The following EMB variants were observed in gnomAD, a reference collection of about 807,000 sequenced individuals.
EMB encodes embigin homolog.
Under a neutral mutation model 41.4 loss-of-function variants are expected in EMB, and 31 were observed. That is an observed-to-expected ratio of 0.75 (90% CI 0.56 to 1.01). The LOEUF (loss-of-function observed/expected upper bound fraction) is 1.01, where lower values mean the gene tolerates loss of function less well. Ranked by LOEUF, EMB falls within the 50% of genes least tolerant of loss-of-function variation. The pLI, the probability that EMB is intolerant of heterozygous loss-of-function variation, is 0.00. For synonymous variants in EMB, 137 were observed against 140.4 expected (o/e 0.98, Z 0.17); for missense variants, 379 against 388.3 (o/e 0.98, Z 0.20).
At chr5:50,429,968 T>TTCTC (rs780667856) in intron 1 of EMB, among the ~76,000 whole-genome samples, 3,041 of 61,472 alleles carry the variant, frequency 0.049, 59 homozygotes, top group South Asian at 0.15. Flanking sequence ...CCAACTCTCT[T>TTCTC]TCTCTCTCTC....
At position 50,396,564 on chromosome 5, in the gene EMB, T is replaced by C. The variant is rs1745069280; in HGVS notation, c.*2709A>G. On this transcript the variant is annotated 3_prime_UTR_variant, in exon 9 of 9. Coordinates refer to ENST00000303221, the MANE Select transcript of EMB (RefSeq NM_198449.3). ...GATAATCTGGGGTTAGTCAAGCAGGTAGAAGTGTGAAGAGCACTTTCTGAG... is the reference window on the plus strand; with the variant it reads ...GATAATCTGGGGTTAGTCAAGCAGGCAGAAGTGTGAAGAGCACTTTCTGAG... The C allele has an allele frequency of 6.6e-6, 1 of 152,124 alleles. No homozygotes were observed. Among genetic ancestry groups the C allele is most frequent in the Non-Finnish European group, 1.5e-5 (1 of 68,030 alleles). The allele number at this position is 152,124 out of a possible 1,614,324, so 9.4% of individuals were successfully genotyped here.
intron 2 of EMB, among the ~76,000 whole-genome samples, chr5:50,420,709 T>C (rs1389584384): frequency 1.3e-5 from 2 of 152,234 alleles, no homozygotes; most frequent in African/African-American, 4.8e-5. Flanking sequence ...TGTTCACCAC[T>C]GTAAACGAGG....
chr5:50,429,018 C>T (rs1312076735), intron 1 of EMB, among the ~76,000 whole-genome samples: 1 of 152,144 alleles, frequency 6.6e-6, no homozygotes, highest in Non-Finnish European at 1.5e-5. Flanking sequence ...GCCTCAGCCT[C>T]CCGAGTAGCT....
chr5:50,442,789 A>G (rs1228081446), upstream of EMB, among the ~76,000 whole-genome samples: 1 of 152,064 alleles, frequency 6.6e-6, no homozygotes, highest in African/African-American at 2.4e-5. Flanking sequence ...ATTTCCCTAT[A>G]ATTAGGTAGA....
intron 2 of EMB, among the ~76,000 whole-genome samples, chr5:50,420,359 C>A (rs565807182): frequency 6.6e-6 from 1 of 152,124 alleles, no homozygotes; most frequent in Non-Finnish European, 1.5e-5. Context: ...GATGCCAATC[C>A]TTGATATTTA....
At chr5:50,440,184 T>C (rs1464244286) in intron 1 of EMB, among the ~76,000 whole-genome samples, 1 of 152,080 alleles carries the variant, frequency 6.6e-6, no homozygotes, top group Non-Finnish European at 1.5e-5. Context: ...TCCTGTAAGT[T>C]GTGGATCTTT....
chr5:50,431,434 A>AT (rs1745718663), intron 1 of EMB, among the ~76,000 whole-genome samples: 1 of 152,200 alleles, frequency 6.6e-6, no homozygotes, highest in Admixed American at 6.5e-5. Context: ...ACTCAGGCAG[A>AT]TGTGGTTTGA....
At chr5:50,435,565 G>A (rs1745790639) in intron 1 of EMB, among the ~76,000 whole-genome samples, 1 of 152,158 alleles carries the variant, frequency 6.6e-6, no homozygotes, top group African/African-American at 2.4e-5. Flanking sequence ...ATCTTTGGCA[G>A]GAAGATCATA....
At chr5:50,411,950 C>T (rs1745345566) in intron 2 of EMB, 1 of 152,016 alleles carries the variant, frequency 6.6e-6, no homozygotes, top group South Asian at 2.1e-4. Context: ...AATAAGCATC[C>T]AGTAGTTCTG....
intron 2 of EMB, among the ~76,000 whole-genome samples, chr5:50,419,362 TC>T (rs1245683239): frequency 5.9e-5 from 9 of 152,178 alleles, no homozygotes; most frequent in Non-Finnish European, 1.2e-4. Flanking sequence ...CATATCCACT[TC>T]AATATAATGG....
At chr5:50,428,447 C>T in intron 1 of EMB, 1 of 1,182,510 alleles carries the variant, frequency 8.5e-7, no homozygotes, top group Middle Eastern at 3.5e-4. Flanking sequence ...CTAAAAATCC[C>T]TACTGACTTA....
At chr5:50,434,635 T>C (rs1207416581) in intron 1 of EMB, among the ~76,000 whole-genome samples, 1 of 152,202 alleles carries the variant, frequency 6.6e-6, no homozygotes, top group Non-Finnish European at 1.5e-5. Context: ...CTCAGAAGTA[T>C]ATAATTGCAA....
intron 2 of EMB, among the ~76,000 whole-genome samples, chr5:50,420,303 G>C (rs1579733383): frequency 6.6e-6 from 1 of 152,196 alleles, no homozygotes; most frequent in South Asian, 2.1e-4. Context: ...AGCATGGCCT[G>C]CTACCTTGGT....
chr5:50,414,312 C>T (rs1240249395), intron 2 of EMB, among the ~76,000 whole-genome samples: 1 of 151,738 alleles, frequency 6.6e-6, no homozygotes, highest in Non-Finnish European at 1.5e-5. Context: ...ATTGCTTGAG[C>T]ACAGGCATTC....
intron 4 of EMB, among the ~76,000 whole-genome samples, chr5:50,407,632 C>T (rs187435357): frequency 2.6e-5 from 4 of 151,984 alleles, no homozygotes; most frequent in African/African-American, 9.7e-5. Flanking sequence ...TTATAAAATG[C>T]ACTATGTTCA....
chr5:50,425,489 G>T (rs1745594796), intron 2 of EMB, among the ~76,000 whole-genome samples: 1 of 149,020 alleles, frequency 6.7e-6, no homozygotes, highest in Non-Finnish European at 1.5e-5. Flanking sequence ...ACACTAATAT[G>T]CAGAGAGGAA....
chr5:50,420,934 C>T (rs1207117251), intron 2 of EMB, among the ~76,000 whole-genome samples: 1 of 152,082 alleles, frequency 6.6e-6, no homozygotes, highest in African/African-American at 2.4e-5. Context: ...ACACAGTTGA[C>T]TCATCCATTG....
chr5:50,420,523 C>T (rs1341176862), intron 2 of EMB, among the ~76,000 whole-genome samples: 1 of 152,222 alleles, frequency 6.6e-6, no homozygotes, highest in Admixed American at 6.5e-5. Flanking sequence ...TCTAACCTTA[C>T]AACACTGCTA....
At chr5:50,404,271 T>C (rs991506168) in intron 5 of EMB, among the ~76,000 whole-genome samples, 18 of 151,926 alleles carry the variant, frequency 1.2e-4, no homozygotes, top group Non-Finnish European at 1.9e-4. Flanking sequence ...TATCTGTGAG[T>C]ATATTATTCG....
Sources: allele counts gnomAD v4.1 joint callset (sites outside exome capture counted in the v4.1 genomes callset), GRCh38; gene constraint gnomAD v4.1.1; transcripts MANE v1.5; gene names NCBI Gene and HGNC (gene_info 2026-07-23, HGNC 2026-07-21).